UVSSA: variants seen among roughly 807,000 people sequenced by gnomAD.
The protein encoded by UVSSA is UV-stimulated scaffold protein A.
Under a neutral mutation model 73.9 loss-of-function variants are expected in UVSSA, and 72 were observed. The observed-to-expected ratio is 0.97, with a 90% confidence interval of 0.81 to 1.19. The LOEUF (loss-of-function observed/expected upper bound fraction) is 1.19, where lower values mean the gene tolerates loss of function less well. Ranked by LOEUF, UVSSA falls within the 50% of genes most tolerant of loss-of-function variation. The pLI is 0.00. For synonymous variants in UVSSA, 454 were observed against 391.3 expected (o/e 1.16, Z -1.89); for missense variants, 1,150 against 965.0 (o/e 1.19, Z -2.54).
exon 14 of UVSSA, chr4:1,394,769 GCTCACATGTGCCGATGTGGAGTGCCA>G (rs768360538): frequency 6.4e-7 from 1 of 1,567,060 alleles, no homozygotes; most frequent in Non-Finnish European, 8.6e-7. Flanking sequence ...GTGCCCACCT[GCTCACATGTGCCGATGTGGAGTGCCA>G]CCTGCTCACA....
At chr4:1,377,079 G>A (rs568908991) in intron 10 of UVSSA, among the ~76,000 whole-genome samples, 3 of 152,284 alleles carry the variant, frequency 2.0e-5, no homozygotes, top group South Asian at 2.1e-4. Flanking sequence ...TCTGCGGGGC[G>A]TGATGCGGGA....
At chr4:1,364,661 T>C (rs4974611) in intron 7 of UVSSA, among the ~76,000 whole-genome samples, 116,157 of 152,142 alleles carry the variant, frequency 0.76, 45,375 homozygotes, top group African/African-American at 0.93. Flanking sequence ...CAGGGATCTC[T>C]CTCCCGGGAA....
chr4:1,366,900 CACTCA>C (rs952532018), intron 8 of UVSSA, among the ~76,000 whole-genome samples: 2 of 152,218 alleles, frequency 1.3e-5, no homozygotes, highest in Non-Finnish European at 2.9e-5. Context: ...AGAAAGGTCT[CACTCA>C]CGAGGGTGGG....
intron 5 of UVSSA, 69 bp from the exon 6 acceptor site, chr4:1,354,666 C>T (rs1007300828): frequency 3.5e-6 from 5 of 1,429,052 alleles, no homozygotes; most frequent in African/African-American, 2.8e-5. Flanking sequence ...CTTGCATGGT[C>T]TGCCTCTCCG....
At chr4:1,355,987 T>C (rs772281819) in intron 7 of UVSSA, among the ~76,000 whole-genome samples, 4 of 152,068 alleles carry the variant, frequency 2.6e-5, no homozygotes, top group Non-Finnish European at 5.9e-5. Context: ...GCTGGGGTCC[T>C]CTGCAGACGT....
chr4:1,355,822 C>T (rs960172771), intron 7 of UVSSA, among the ~76,000 whole-genome samples: 2 of 152,084 alleles, frequency 1.3e-5, no homozygotes, highest in Non-Finnish European at 2.9e-5. Flanking sequence ...GTTTGGGGTG[C>T]CTCTGGTGGG....
chr4:1,349,445 G>A lies in UVSSA; in HGVS notation c.99-79G>A, dbSNP rs991983071. On this transcript the variant is annotated intron_variant, in intron 2 of 13. Transcript: ENST00000389851. ...GGTGGTCCCTGCCACACGTGCGTGC[G>A]GCATCCATGCACGGAGAGTCTCCCC... 1.7e-5 allele frequency: 23 copies of A among 1,393,026 alleles called. No individual in the cohort carries two copies. The Admixed American group carries it at 2.7e-4, about 16-fold the overall frequency. The allele number at this position is 1,393,026 out of a possible 1,614,324, so 86.3% of individuals were successfully genotyped here.
intron 7 of UVSSA, among the ~76,000 whole-genome samples, chr4:1,360,537 G>A (rs1005095774): frequency 8.5e-5 from 13 of 152,192 alleles, no homozygotes; most frequent in South Asian, 2.1e-4. Flanking sequence ...ATGTAAGTGC[G>A]CCTGACAAAC....
At chr4:1,358,084 C>T (rs1716058010) in intron 7 of UVSSA, 2 of 152,542 alleles carry the variant, frequency 1.3e-5, no homozygotes, top group Non-Finnish European at 2.9e-5. Flanking sequence ...TGACCCCAGC[C>T]CTTGGCACAC....
intron 13 of UVSSA, 164 bp from the exon 14 acceptor site, chr4:1,385,704 C>A: frequency 1.5e-6 from 1 of 682,962 alleles, no homozygotes; most frequent in South Asian, 1.8e-5. Context: ...GCCAAGGGGC[C>A]CGTCGCCCAT....
At chr4:1,395,381 C>G in exon 14 of UVSSA, 2 of 1,578,106 alleles carry the variant, frequency 1.3e-6, no homozygotes, top group South Asian at 2.2e-5. Flanking sequence ...GGAGTGCCCG[C>G]CTGCTCACAC....
chr4:1,355,292 G>A, intron 7 of UVSSA, 47 bp downstream of exon 7: 1 of 1,547,456 alleles, frequency 6.5e-7, no homozygotes, highest in South Asian at 1.2e-5. Flanking sequence ...AGGCCTCAGT[G>A]GGGGAGGAGA....
rs1409087972 is a variant in UVSSA, at chr4:1,353,367, C to T, written c.888C>T (p.His296=). ...DSDLEEFVRS[H]GLGSHKYTLD... is the part of the protein sequence containing the mutation. Reference sequence around the variant, plus strand: ...ACCTCGAGGAGTTTGTGCGGAGCCACGGGCTGGGCTCGCACAAGTACACGC... The same window carrying T: ...ACCTCGAGGAGTTTGTGCGGAGCCATGGGCTGGGCTCGCACAAGTACACGC... Residue 296 remains histidine (H), a synonymous_variant, in exon 5 of 14, where the codon CAC becomes CAT. Coordinates refer to ENST00000389851, the MANE Select transcript of UVSSA (RefSeq NM_020894.4). The T allele has an allele frequency of 1.2e-5, 20 of 1,605,472 alleles. No homozygotes were observed. Among genetic ancestry groups the T allele is most frequent in the East Asian group, 2.2e-5 (1 of 44,574 alleles).
chr4:1,391,322 T>C (rs1282092344), downstream of UVSSA: 4 of 152,442 alleles, frequency 2.6e-5, no homozygotes, highest in Admixed American at 2.6e-4. Context: ...TTTGTAGTGT[T>C]GTATAGAAGC....
chr4:1,365,451 G>A (rs560212329), intron 7 of UVSSA, among the ~76,000 whole-genome samples: 1 of 152,322 alleles, frequency 6.6e-6, no homozygotes. Context: ...GAAGGGGCAG[G>A]GTGGGCTCAA....
At chr4:1,356,963 G>A (rs1218046770) in intron 7 of UVSSA, 2 of 151,892 alleles carry the variant, frequency 1.3e-5, no homozygotes, top group East Asian at 2.0e-4. Flanking sequence ...TTGCCTGGCA[G>A]TGGCAACCCC....
rs554994626 is a variant in UVSSA at position 1,395,512 on chromosome 4, A to C, written c.*9551A>C. The C allele has an allele frequency of 6.5e-5, 102 of 1,575,804 alleles. No homozygotes were observed. Among genetic ancestry groups the C allele is most frequent in the Non-Finnish European group, 8.2e-5 (96 of 1,165,576 alleles). ...CATTGTGGAGTGCCCGCCTGCTCAC[A>C]CACATGCCGATGTGGAGTGCCCGCC... On this transcript the variant is annotated 3_prime_UTR_variant, in exon 14 of 14. Coordinates refer to the UVSSA transcript ENST00000511216.
At chr4:1,375,271 A>G in intron 8 of UVSSA, 93 bp from the exon 9 acceptor site, 1 of 1,557,816 alleles carries the variant, frequency 6.4e-7, no homozygotes. Flanking sequence ...GGAACACGCT[A>G]ACGCATAGGC....
intron 8 of UVSSA, among the ~76,000 whole-genome samples, chr4:1,371,928 TC>T (rs1174730307): frequency 1.3e-5 from 2 of 152,170 alleles, no homozygotes; most frequent in African/African-American, 4.8e-5. Flanking sequence ...AACAGCCACT[TC>T]CCAAGAGGGT....
Sources: gnomAD v4.1 joint callset for allele counts (sites outside exome capture counted in the v4.1 genomes callset) on GRCh38, gnomAD v4.1.1 for gene constraint, MANE v1.5 for transcripts, NCBI Gene and HGNC (gene_info 2026-07-23, HGNC 2026-07-21) for gene names.